The following FRMPD4 variants were observed in gnomAD, a reference collection of about 807,000 sequenced individuals.
FRMPD4 encodes FERM and PDZ domain containing 4.
In FRMPD4, 22 loss-of-function variants were observed where a neutral mutation model predicts 94.1. That is an observed-to-expected ratio of 0.23 (90% CI 0.17 to 0.33). The LOEUF (loss-of-function observed/expected upper bound fraction) is 0.33. FRMPD4 is among the 10% of genes least tolerant of loss of function. The pLI, the probability that FRMPD4 is intolerant of heterozygous loss-of-function variation, is 1.00. For missense variants in FRMPD4, 1,111 were observed against 1,339.9 expected, an observed-to-expected ratio of 0.83 and a Z score of 2.67; for synonymous variants, 631 against 548.6, an observed-to-expected ratio of 1.15 and a Z score of -2.10.
chrX:12,227,105 T>G (rs1301833538), intron 1 of FRMPD4, among the ~76,000 whole-genome samples: 1 of 111,438 alleles, frequency 9.0e-6, no homozygotes, highest in East Asian at 2.8e-4. Context: ...ATTTTTGATG[T>G]GACAAAATAT....
chrX:12,476,935 T>C (rs1271316029), intron 1 of FRMPD4, among the ~76,000 whole-genome samples: 1 of 111,720 alleles, frequency 9.0e-6, no homozygotes, highest in Admixed American at 9.5e-5. Context: ...GAACTAGAAA[T>C]ACCATTTGAC....
intron 1 of FRMPD4, among the ~76,000 whole-genome samples, chrX:12,341,218 T>A (rs948314016): frequency 8.9e-6 from 1 of 111,766 alleles, no homozygotes; most frequent in African/African-American, 3.3e-5. Context: ...GCATTCCCCT[T>A]TACCTTCAAG....
In FRMPD4 at chrX:12,718,635, A is replaced by T. The variant is rs2042157123; in HGVS notation, c.3809A>T (p.Asn1270Ile). 1 of 1,210,496 alleles carries T rather than the reference A, an allele frequency of 8.3e-7. No individual in the cohort carries two copies. ...GAGGAGAGAGCCCCTGGGCTTCCCA[A>T]CCACGGAGCCACCTTTAAGGAACTG... ...PSEERAPGLP[N>I]HGATFKELHP... is the part of the protein sequence containing the mutation. Residue 1270 changes from asparagine to isoleucine, a missense_variant, in exon 16 of 17, where the codon AAC becomes ATC. By Grantham distance (149) the Asn-to-Ile change is moderately radical. Around this residue, in one of 8 missense-constraint regions of FRMPD4, gnomAD observed 551 missense variants for 591.6 expected, o/e 0.93. Coordinates refer to ENST00000675598, the MANE Select transcript of FRMPD4 (RefSeq NM_001368397.1).
intron 4 of FRMPD4, among the ~76,000 whole-genome samples, chrX:12,646,102 C>G (rs1490673656): frequency 8.9e-6 from 1 of 112,430 alleles, no homozygotes; most frequent in Non-Finnish European, 1.9e-5. Context: ...AGGAAGGAAG[C>G]TTTTCCACTA....
At chrX:12,673,538 T>C (rs185238643) in intron 4 of FRMPD4, among the ~76,000 whole-genome samples, 5 of 111,887 alleles carry the variant, frequency 4.5e-5, no homozygotes, top group African/African-American at 9.7e-5. Flanking sequence ...AGTTGACCTA[T>C]TGAAGCTAGA....
At chrX:12,106,015 C>T (rs1261056969) in intron 3 of FRMPD4, among the ~76,000 whole-genome samples, 3 of 112,140 alleles carry the variant, frequency 2.7e-5, no homozygotes, top group Non-Finnish European at 5.6e-5. Context: ...TTGGGCTCCA[C>T]TACCTTCAAT....
At chrX:12,301,897 G>C (rs1233468161) in intron 1 of FRMPD4, among the ~76,000 whole-genome samples, 1 of 111,954 alleles carries the variant, frequency 8.9e-6, no homozygotes, top group Non-Finnish European at 1.9e-5. Context: ...CATCATGGCA[G>C]TTTAAATAAG....
intron 3 of FRMPD4, among the ~76,000 whole-genome samples, chrX:11,991,799 A>G (rs1569138600): frequency 8.9e-6 from 1 of 112,448 alleles, no homozygotes; most frequent in Non-Finnish European, 1.9e-5. Context: ...ACTAAGATAC[A>G]TACTTTATCA....
chrX:11,893,677 G>C (rs1310316235), intron 3 of FRMPD4, among the ~76,000 whole-genome samples: 3 of 111,832 alleles, frequency 2.7e-5, no homozygotes, highest in Non-Finnish European at 5.6e-5. Flanking sequence ...CTAACTATGA[G>C]TGAGGTACTG....
chrX:11,912,339 G>T (rs1423737722), intron 3 of FRMPD4, among the ~76,000 whole-genome samples: 1 of 112,455 alleles, frequency 8.9e-6, no homozygotes, highest in Non-Finnish European at 1.9e-5. Flanking sequence ...TCACAAAGGG[G>T]AACATTTACT....
intron 4 of FRMPD4, among the ~76,000 whole-genome samples, chrX:12,635,484 G>T (rs957909956): frequency 8.1e-5 from 9 of 111,382 alleles, no homozygotes; most frequent in Non-Finnish European, 1.5e-4. Flanking sequence ...GGGCTGAAAG[G>T]CCATCATTTC....
intron 3 of FRMPD4, among the ~76,000 whole-genome samples, chrX:11,911,901 A>G (rs769824284): frequency 8.9e-6 from 1 of 112,329 alleles, no homozygotes; most frequent in South Asian, 3.7e-4. Context: ...AGAGAATGGA[A>G]GATGGGCAGC....
intron 1 of FRMPD4, among the ~76,000 whole-genome samples, chrX:12,360,453 G>A (rs747947328): frequency 1.8e-5 from 2 of 110,635 alleles, no homozygotes; most frequent in Non-Finnish European, 3.8e-5. Flanking sequence ...TTTCAGCCTC[G>A]TTTTTTTTAT....
At chrX:12,715,396 C>G (rs2042060549) in intron 14 of FRMPD4, among the ~76,000 whole-genome samples, 1 of 111,530 alleles carries the variant, frequency 9.0e-6, no homozygotes, top group African/African-American at 3.3e-5. Context: ...GTGACCATGC[C>G]ACCTTATGCA....
At chrX:12,382,467 C>G (rs1476495305) in intron 1 of FRMPD4, among the ~76,000 whole-genome samples, 1 of 86,052 alleles carries the variant, frequency 1.2e-5, no homozygotes, top group Non-Finnish European at 2.1e-5. Context: ...CACTTGGTGA[C>G]TCTCCTAGCA....
intron 1 of FRMPD4, among the ~76,000 whole-genome samples, chrX:12,486,585 T>G (rs973805892): frequency 2.7e-5 from 3 of 112,574 alleles, no homozygotes; most frequent in Admixed American, 1.9e-4. Context: ...TATAGCTGTT[T>G]CCCACAATTT....
At chrX:12,069,445 G>C (rs2054947874) in intron 3 of FRMPD4, among the ~76,000 whole-genome samples, 1 of 111,893 alleles carries the variant, frequency 8.9e-6, no homozygotes, top group African/African-American at 3.2e-5. Context: ...GGCAACTTGT[G>C]ATGGCATCTT....
chrX:12,429,043 G>A (rs1404560638), intron 1 of FRMPD4, among the ~76,000 whole-genome samples: 1 of 111,699 alleles, frequency 9.0e-6, no homozygotes, highest in Admixed American at 9.5e-5. Context: ...CTCTTTTCTT[G>A]GAAGCATTTC....
At chrX:12,680,459 G>C (rs889467492) in intron 5 of FRMPD4, among the ~76,000 whole-genome samples, 1 of 112,139 alleles carries the variant, frequency 8.9e-6, no homozygotes, top group Non-Finnish European at 1.9e-5. Context: ...TATAACACAA[G>C]TAACTCTAGC....
Sources: allele counts gnomAD v4.1 joint callset (sites outside exome capture counted in the v4.1 genomes callset), GRCh38; gene constraint gnomAD v4.1.1; regional missense constraint gnomAD v4.1.1; transcripts MANE v1.5; gene names NCBI Gene and HGNC (gene_info 2026-07-23, HGNC 2026-07-21).